The following RBFOX1 variants were observed in gnomAD, a reference collection of about 807,000 sequenced individuals.
RBFOX1 encodes RNA binding protein fox-1 homolog 1.
Under a neutral mutation model 57.7 loss-of-function variants are expected in RBFOX1, and 8 were observed. The observed-to-expected ratio is 0.14, with a 90% CI of 0.08 to 0.25. The LOEUF is 0.25. RBFOX1 is among the 10% of genes least tolerant of loss of function. The pLI is 1.00. For missense variants in RBFOX1, 611 were observed against 548.5 expected (o/e 1.11, Z -1.14); for synonymous variants, 326 against 222.4 (o/e 1.47, Z -4.15).
intron 5 of RBFOX1, among the ~76,000 whole-genome samples, chr16:7,548,317 C>T (rs925354007): frequency 3.3e-5 from 5 of 152,014 alleles, no homozygotes; most frequent in East Asian, 3.9e-4. Flanking sequence ...CCACTATGTC[C>T]GGCTAATTTT....
chr16:6,980,778 C>T (rs1007021891), intron 3 of RBFOX1, among the ~76,000 whole-genome samples: 1 of 152,118 alleles, frequency 6.6e-6, no homozygotes, highest in African/African-American at 2.4e-5. Context: ...TACAGTAGCT[C>T]ATGCCTGTAA....
chr16:5,954,493 C>T (rs111382158), intron 4 of RBFOX1, among the ~76,000 whole-genome samples: 9 of 152,170 alleles, frequency 5.9e-5, no homozygotes, highest in Non-Finnish European at 8.8e-5. Flanking sequence ...CAGAGATGCT[C>T]GTGGTGCCCT....
At chr16:7,210,732 T>A (rs764204750) in intron 4 of RBFOX1, among the ~76,000 whole-genome samples, 7 of 152,088 alleles carry the variant, frequency 4.6e-5, no homozygotes, top group Non-Finnish European at 1.0e-4. Flanking sequence ...ATTCTCATAG[T>A]ATCAATAAGG....
intron 1 of RBFOX1, among the ~76,000 whole-genome samples, chr16:6,276,255 A>G (rs984996006): frequency 6.6e-5 from 10 of 152,220 alleles, no homozygotes; most frequent in African/African-American, 2.2e-4. Flanking sequence ...AATATGTCAA[A>G]TGTGTGGAAT....
chr16:6,064,115 C>T (rs533680501), intron 1 of RBFOX1, among the ~76,000 whole-genome samples: 2 of 152,204 alleles, frequency 1.3e-5, no homozygotes, highest in South Asian at 4.2e-4. Flanking sequence ...CAATTAATAA[C>T]AAGCTCCTTA....
At chr16:5,866,449 C>T (rs2057345165) in intron 3 of RBFOX1, among the ~76,000 whole-genome samples, 1 of 152,162 alleles carries the variant, frequency 6.6e-6, no homozygotes, top group Non-Finnish European at 1.5e-5. Context: ...GACAATATGG[C>T]TGAGGTTGGC....
At chr16:5,333,280 G>A (rs560307241) in intron 1 of RBFOX1, among the ~76,000 whole-genome samples, 35 of 152,290 alleles carry the variant, frequency 2.3e-4, no homozygotes, top group Middle Eastern at 3.4e-3. Context: ...TTTAAATTTG[G>A]TTCAAGTCCT....
At chr16:7,019,016 C>G (rs1429939832) in intron 3 of RBFOX1, among the ~76,000 whole-genome samples, 1 of 151,926 alleles carries the variant, frequency 6.6e-6, no homozygotes, top group Non-Finnish European at 1.5e-5. Context: ...AGAAAGCGTT[C>G]TTGTTCAGAA....
intron 2 of RBFOX1, among the ~76,000 whole-genome samples, chr16:6,409,431 A>G (rs1161543526): frequency 6.6e-6 from 1 of 152,196 alleles, no homozygotes; most frequent in Non-Finnish European, 1.5e-5. Context: ...AAACAAAACA[A>G]ATAAAACTTT....
intron 3 of RBFOX1, among the ~76,000 whole-genome samples, chr16:5,818,082 T>A (rs1387946622): frequency 1.3e-5 from 2 of 152,172 alleles, no homozygotes; most frequent in African/African-American, 4.8e-5. Flanking sequence ...TAAATAAAGA[T>A]ATTCAATAAC....
At chr16:6,336,957 G>A (rs996661687) in intron 2 of RBFOX1, among the ~76,000 whole-genome samples, 1 of 152,152 alleles carries the variant, frequency 6.6e-6, no homozygotes, top group Non-Finnish European at 1.5e-5. Context: ...CACTGTTCGA[G>A]TTTTTCTTTG....
intron 1 of RBFOX1, among the ~76,000 whole-genome samples, chr16:5,338,739 G>T (rs2037336708): frequency 6.6e-6 from 1 of 152,116 alleles, no homozygotes; most frequent in African/African-American, 2.4e-5. Flanking sequence ...GTTCACTGGA[G>T]CCTCTGCCTC....
intron 1 of RBFOX1, among the ~76,000 whole-genome samples, chr16:5,286,544 T>C (rs1469417760): frequency 6.6e-6 from 1 of 152,214 alleles, no homozygotes; most frequent in Non-Finnish European, 1.5e-5. Flanking sequence ...GCATATGTCC[T>C]ATTAATACAA....
At chr16:5,715,867 C>G (rs1475866880) in intron 3 of RBFOX1, among the ~76,000 whole-genome samples, 1 of 152,172 alleles carries the variant, frequency 6.6e-6, no homozygotes, top group East Asian at 1.9e-4. Context: ...TGACTCCCTG[C>G]TCCCTTAACA....
At chr16:6,239,696 A>G (rs1436679540) in intron 1 of RBFOX1, among the ~76,000 whole-genome samples, 1 of 151,826 alleles carries the variant, frequency 6.6e-6, no homozygotes, top group African/African-American at 2.4e-5. Flanking sequence ...CGGGGGTTTC[A>G]CCATGTTGAC....
At chr16:6,865,893 T>C (rs2059828415) in intron 3 of RBFOX1, among the ~76,000 whole-genome samples, 1 of 152,164 alleles carries the variant, frequency 6.6e-6, no homozygotes, top group African/African-American at 2.4e-5. Context: ...GCCTTCTAAG[T>C]AACTTAGTGT....
intron 4 of RBFOX1, among the ~76,000 whole-genome samples, chr16:7,215,621 A>G (rs1325524568): frequency 6.6e-6 from 1 of 152,118 alleles, no homozygotes; most frequent in East Asian, 1.9e-4. Flanking sequence ...CCATCTTTAT[A>G]ACCCTCAAAA....
At chr16:6,833,661 C>T (rs1191993885) in intron 3 of RBFOX1, among the ~76,000 whole-genome samples, 2 of 152,202 alleles carry the variant, frequency 1.3e-5, no homozygotes, top group Non-Finnish European at 2.9e-5. Context: ...TTCCCATTGG[C>T]ACCTAGAATT....
intron 2 of RBFOX1, among the ~76,000 whole-genome samples, chr16:6,648,221 T>C (rs950823462): frequency 1.3e-5 from 2 of 151,952 alleles, no homozygotes; most frequent in African/African-American, 4.8e-5. Flanking sequence ...AATTTTTTTC[T>C]TCTTTATTAT....
Sources: gnomAD v4.1 joint callset for allele counts (sites outside exome capture counted in the v4.1 genomes callset) on GRCh38, gnomAD v4.1.1 for gene constraint, MANE v1.5 for transcripts, NCBI Gene and HGNC (gene_info 2026-07-23, HGNC 2026-07-21) for gene names.